The following CAST variants were observed in gnomAD, a reference collection of about 807,000 sequenced individuals.
The protein encoded by CAST is MIR583 host.
Under a neutral mutation model 119.6 loss-of-function variants are expected in CAST, and 76 were observed. That is an observed-to-expected ratio of 0.64 (90% confidence interval 0.53 to 0.77). The LOEUF (loss-of-function observed/expected upper bound fraction) is 0.77. CAST is among the 30% of genes least tolerant of loss of function. CAST has a pLI of 0.00. For synonymous variants in CAST, 319 were observed against 331.6 expected (o/e 0.96, Z 0.41); for missense variants, 953 against 946.5 (o/e 1.01, Z -0.09).
At chr5:96,514,730 C>CTTGT in the CAST span, among the ~76,000 whole-genome samples, 148 of 151,976 alleles carry the variant, frequency 9.7e-4, no homozygotes, top group African/African-American at 2.7e-3. Context: ...TTTCCTCTTG[C>CTTGT]TTGTTTGTTT....
At chr5:96,257,754 G>A in the CAST span, among the ~76,000 whole-genome samples, 1 of 152,168 alleles carries the variant, frequency 6.6e-6, no homozygotes, top group African/African-American at 2.4e-5. Flanking sequence ...CTTTCCCTTT[G>A]GTCAGTTCTT....
intron 1 of CAST, among the ~76,000 whole-genome samples, chr5:96,561,796 G>GTTTTTTTGT (rs1267067922): frequency 1.0e-5 from 1 of 97,422 alleles, no homozygotes; most frequent in African/African-American, 3.8e-5. Flanking sequence ...GTTTTTTTTT[G>GTTTTTTTGT]TTTTTTTTTT....
the CAST span, among the ~76,000 whole-genome samples, chr5:96,406,416 T>C: frequency 1.3e-5 from 2 of 152,216 alleles, no homozygotes; most frequent in African/African-American, 4.8e-5. Flanking sequence ...ATAGCTTTTC[T>C]GGAGGGCCCA....
At chr5:96,555,062 C>G (rs1031358371) in intron 1 of CAST, among the ~76,000 whole-genome samples, 1 of 152,198 alleles carries the variant, frequency 6.6e-6, no homozygotes, top group African/African-American at 2.4e-5. Context: ...GGCATATACC[C>G]AAAGGCTTAT....
intron 2 of CAST, among the ~76,000 whole-genome samples, chr5:96,680,645 G>A (rs960463449): frequency 2.8e-4 from 43 of 152,234 alleles, no homozygotes; most frequent in African/African-American, 8.4e-4. Flanking sequence ...ATCAGTGTGT[G>A]TGGCATTTAA....
the CAST span, among the ~76,000 whole-genome samples, chr5:96,402,118 A>C: frequency 6.6e-6 from 1 of 152,198 alleles, no homozygotes; most frequent in Non-Finnish European, 1.5e-5. Context: ...TTCTCCCCAG[A>C]GCCCATCATG....
chr5:96,636,815 TG>T (rs1156373187), intron 1 of CAST, among the ~76,000 whole-genome samples: 1 of 151,704 alleles, frequency 6.6e-6, no homozygotes, highest in East Asian at 1.9e-4. Context: ...TGCAGAAGTG[TG>T]GGAAGGATGA....
At chr5:96,658,684 A>C (rs1262002855), upstream of CAST, among the ~76,000 whole-genome samples, 3 of 152,254 alleles carry the variant, frequency 2.0e-5, no homozygotes. Flanking sequence ...ATTATCATAC[A>C]TGAGGCACTG....
At chr5:96,081,214 G>A in the CAST span, among the ~76,000 whole-genome samples, 6 of 152,192 alleles carry the variant, frequency 3.9e-5, no homozygotes, top group Admixed American at 1.3e-4. Flanking sequence ...CCCTAGCTCA[G>A]CACAGGGAGA....
the CAST span, among the ~76,000 whole-genome samples, chr5:96,260,636 T>A: frequency 1.4e-4 from 22 of 152,226 alleles, no homozygotes; most frequent in Non-Finnish European, 1.5e-5. Context: ...TGGCCCATCA[T>A]GTTCTTGCTT....
intron 8 of CAST, among the ~76,000 whole-genome samples, chr5:96,730,566 T>A (rs938596573): frequency 3.3e-5 from 5 of 152,230 alleles, no homozygotes; most frequent in African/African-American, 1.2e-4. Flanking sequence ...CTGATTGACC[T>A]ACGCAAGTTA....
chr5:96,526,557 G>C (rs2150176269), upstream of CAST, among the ~76,000 whole-genome samples: 1 of 152,240 alleles, frequency 6.6e-6, no homozygotes, highest in African/African-American at 2.4e-5. Context: ...TTCCTTCACT[G>C]GTTTGTTCTC....
the CAST span, chr5:96,423,188 A>T: frequency 1.1e-6 from 1 of 874,586 alleles, no homozygotes; most frequent in Non-Finnish European, 1.9e-6. Context: ...GAAGGGACAT[A>T]ACCTTGGCCC....
the CAST span, among the ~76,000 whole-genome samples, chr5:96,199,518 ATTC>A: frequency 6.6e-6 from 1 of 152,122 alleles, no homozygotes. Context: ...GACTCTCCCA[ATTC>A]TTGATGTACC....
the CAST span, among the ~76,000 whole-genome samples, chr5:96,404,971 G>A: frequency 6.6e-6 from 1 of 152,186 alleles, no homozygotes; most frequent in East Asian, 1.9e-4. Context: ...GGGCTCTTCA[G>A]TCTCCATAGT....
intron 1 of CAST, among the ~76,000 whole-genome samples, chr5:96,638,093 G>A (rs1747906885): frequency 6.6e-6 from 1 of 152,150 alleles, no homozygotes; most frequent in South Asian, 2.1e-4. Context: ...TCATCTGGGT[G>A]TTTTTATGCA....
At chr5:96,594,666 A>T (rs1328680004) in intron 1 of CAST, among the ~76,000 whole-genome samples, 1 of 152,162 alleles carries the variant, frequency 6.6e-6, no homozygotes, top group East Asian at 1.9e-4. Flanking sequence ...TGCTTATGTC[A>T]CCTTTTATCT....
rs767726120 is a variant in CAST, at chr5:96,740,031, G to A, written c.799-7G>A. Reference sequence around the variant, plus strand: ...ATAATATCCCTATGTGTATGATTTTGTTCCAGGATCCAATGAGTTCCACCT... The same window carrying A: ...ATAATATCCCTATGTGTATGATTTTATTCCAGGATCCAATGAGTTCCACCT... On this transcript the variant is annotated splice_polypyrimidine_tract_variant and splice_region_variant and intron_variant, in intron 11 of 31. Transcript: ENST00000675179. 8.8e-6 allele frequency: 13 copies of A among 1,474,168 alleles called. No individual in the cohort carries two copies. The Admixed American group carries it at 1.5e-4, about 17-fold the overall frequency. The allele number at this position is 1,474,168 out of a possible 1,614,324, so 91.3% of individuals were successfully genotyped here.
chr5:96,752,992 T>G (rs149402775), intron 20 of CAST, among the ~76,000 whole-genome samples: 2 of 113,374 alleles, frequency 1.8e-5, no homozygotes, highest in Non-Finnish European at 4.2e-5. Flanking sequence ...ACACACACAC[T>G]CTTACATTTT....
Sources: allele counts gnomAD v4.1 joint callset (sites outside exome capture counted in the v4.1 genomes callset), GRCh38; gene constraint gnomAD v4.1.1; transcripts MANE v1.5; gene names NCBI Gene and HGNC (gene_info 2026-07-23, HGNC 2026-07-21).